Variants in SCN10A observed in about 807,000 individuals in gnomAD.
SCN10A encodes the protein sodium voltage-gated channel alpha subunit 10.
Under a neutral mutation model 170.7 loss-of-function variants are expected in SCN10A, and 162 were observed. The ratio of observed to expected loss-of-function variants is 0.95; its 90% CI spans 0.84 to 1.08. The LOEUF (loss-of-function observed/expected upper bound fraction) is 1.08, where lower values mean the gene tolerates loss of function less well. SCN10A is among the 50% of genes least tolerant of loss of function. The pLI, the probability that SCN10A is intolerant of heterozygous loss-of-function variation, is 0.00. For missense variants in SCN10A, 2,527 were observed against 2,436.9 expected (o/e 1.04, Z -0.78); for synonymous variants, 985 against 904.6 (o/e 1.09, Z -1.59).
chr3:38,793,801 G>A lies in SCN10A; in HGVS notation c.210C>T (p.Leu70=). Residue 70 remains leucine, a synonymous_variant, in exon 2 of 28, where the codon CTC becomes CTT. Coordinates refer to ENST00000449082, the MANE Select transcript of SCN10A (RefSeq NM_006514.4). The part of the protein sequence containing the change: ...CNQLPKFYGE[L]PAELIGEPLE... Reference sequence around the variant, plus strand: ...GGGGCTCCCCGATCAGTTCTGCTGGGAGCTCACCATAGAACTTGGGCAGCT... The same window carrying A: ...GGGGCTCCCCGATCAGTTCTGCTGGAAGCTCACCATAGAACTTGGGCAGCT... 6.2e-6 allele frequency: 10 copies of A among 1,613,918 alleles called. No homozygotes were observed. The highest frequency in any genetic ancestry group is 8.5e-6 in the Non-Finnish European group (10 of 1,179,930).
intron 25 of SCN10A, among the ~76,000 whole-genome samples, chr3:38,708,443 C>G (rs139868704): frequency 5.3e-4 from 80 of 152,318 alleles, no homozygotes; most frequent in African/African-American, 1.8e-3. Flanking sequence ...CCCCAGGGTA[C>G]TAAATAGCAC....
chr3:38,737,458 A>G (rs559908081), intron 15 of SCN10A, among the ~76,000 whole-genome samples: 40 of 152,264 alleles, frequency 2.6e-4, no homozygotes, highest in African/African-American at 9.4e-4. Context: ...CTGACCTTGT[A>G]AGATTTTCAA....
intron 25 of SCN10A, among the ~76,000 whole-genome samples, chr3:38,708,605 C>T (rs1163941336): frequency 1.3e-5 from 2 of 152,012 alleles, no homozygotes; most frequent in African/African-American, 4.8e-5. Context: ...CAGTCACACT[C>T]CCCTCTGCTG....
chr3:38,759,426 G>T (rs1016369290), intron 8 of SCN10A, among the ~76,000 whole-genome samples: 1 of 151,988 alleles, frequency 6.6e-6, no homozygotes, highest in Admixed American at 6.6e-5. Context: ...CATCCTACCT[G>T]CCCTTGAAAG....
intron 8 of SCN10A, 36 bp from the exon 9 acceptor site, chr3:38,757,195 T>C (rs557314075): frequency 1.8e-5 from 28 of 1,557,304 alleles, no homozygotes; most frequent in South Asian, 1.4e-4. Context: ...CCCCTGCTTA[T>C]TGCAGACAAG....
intron 1 of SCN10A, among the ~76,000 whole-genome samples, chr3:38,813,378 A>G (rs145452812): frequency 6.6e-6 from 1 of 152,336 alleles, no homozygotes; most frequent in East Asian, 1.9e-4. Context: ...GCCTTGAATA[A>G]ATCACTAAAA....
chr3:38,710,582 A>G (rs2063262587), intron 24 of SCN10A, among the ~76,000 whole-genome samples: 1 of 152,012 alleles, frequency 6.6e-6, no homozygotes, highest in Non-Finnish European at 1.5e-5. Context: ...TGTCTCTTAG[A>G]GGTTATCTGA....
At chr3:38,700,806 C>G (rs1308972449) in intron 27 of SCN10A, among the ~76,000 whole-genome samples, 1 of 152,114 alleles carries the variant, frequency 6.6e-6, no homozygotes, top group South Asian at 2.1e-4. Context: ...ACAGCTACAC[C>G]CCGACATGAA....
intron 3 of SCN10A, among the ~76,000 whole-genome samples, chr3:38,791,059 C>T (rs2064274698): frequency 6.6e-6 from 1 of 152,156 alleles, no homozygotes; most frequent in Admixed American, 6.5e-5. Context: ...GACAACTGTC[C>T]AGAAATCCAA....
At chr3:38,758,618 T>C (rs1404031072) in intron 8 of SCN10A, among the ~76,000 whole-genome samples, 2 of 152,220 alleles carry the variant, frequency 1.3e-5, no homozygotes, top group Non-Finnish European at 2.9e-5. Flanking sequence ...CACAGTGCCA[T>C]TGGCCAATGT....
intron 8 of SCN10A, among the ~76,000 whole-genome samples, chr3:38,760,191 A>G (rs905001201): frequency 1.3e-5 from 2 of 152,186 alleles, no homozygotes; most frequent in African/African-American, 2.4e-5. Context: ...ATCAGAATGT[A>G]CAAAAGGTAC....
chr3:38,755,511 C>T (rs572669937), intron 11 of SCN10A, among the ~76,000 whole-genome samples: 2 of 152,264 alleles, frequency 1.3e-5, no homozygotes, highest in East Asian at 1.9e-4. Flanking sequence ...AATCCTGAAA[C>T]CTGGGAGTCA....
At chr3:38,798,045 T>C (rs147835419) in intron 1 of SCN10A, among the ~76,000 whole-genome samples, 1 of 152,344 alleles carries the variant, frequency 6.6e-6, no homozygotes, top group African/African-American at 2.4e-5. Context: ...AGTGGTTCTC[T>C]ATATTCCCAT....
At chr3:38,810,691 G>A (rs923712995) in intron 1 of SCN10A, among the ~76,000 whole-genome samples, 4 of 152,156 alleles carry the variant, frequency 2.6e-5, no homozygotes, top group Non-Finnish European at 5.9e-5. Context: ...AGTTCTATGA[G>A]GGCAGACATG....
At chr3:38,786,600 A>T (rs969128263) in intron 4 of SCN10A, among the ~76,000 whole-genome samples, 3 of 152,192 alleles carry the variant, frequency 2.0e-5, no homozygotes, top group African/African-American at 7.2e-5. Context: ...CACTTTCTGC[A>T]CATGTACCCC....
At position 38,726,996 on chromosome 3, in the gene SCN10A, T is replaced by C. The variant is rs2063464355; in HGVS notation, c.2697A>G (p.Thr899=). Reference sequence around the variant, plus strand: ...TCACCTCCCCATCGTCCTCCGGGGCTGTGAGGTTGTCAGCACTGAAAGAGT... The same window carrying C: ...TCACCTCCCCATCGTCCTCCGGGGCCGTGAGGTTGTCAGCACTGAAAGAGT... ...LLNSFSADNL[T]APEDDGEVNN... Residue 899 remains threonine, a synonymous_variant, in exon 17 of 28, where the codon ACA becomes ACG. Transcript: ENST00000449082. 6.2e-7 allele frequency: 1 copy of C among 1,614,052 alleles called. No individual in the cohort carries two copies.
rs749707385 is a variant in SCN10A, at chr3:38,726,667, A to G, written c.3026T>C (p.Leu1009Ser). The G allele has an allele frequency of 6.2e-7, 1 of 1,609,124 alleles. No homozygotes were observed. The highest frequency in any genetic ancestry group is 8.5e-7 in the Non-Finnish European group (1 of 1,176,058). Residue 1009 changes from leucine (L) to serine (S), a missense_variant, in exon 17 of 28, where the codon TTG becomes TCG. Physicochemically the swap from Leu to Ser is moderately radical, Grantham distance 145. Coordinates refer to ENST00000449082, the MANE Select transcript of SCN10A (RefSeq NM_006514.4). Reference protein sequence around the residue: ...IAEGESDLDDLEDDGGEDAQS... With the variant: ...IAEGESDLDDSEDDGGEDAQS... Reference sequence around the variant, plus strand: ...AGCATCTTCCCCACCATCATCCTCCAAGTCATCAAGATCAGATTCACCCTC... The same window carrying G: ...AGCATCTTCCCCACCATCATCCTCCGAGTCATCAAGATCAGATTCACCCTC...
intron 9 of SCN10A, 57 bp downstream of exon 9, chr3:38,756,961 A>T: frequency 6.2e-7 from 1 of 1,605,564 alleles, no homozygotes; most frequent in Non-Finnish European, 8.5e-7. Context: ...AAGCACAGCC[A>T]TGCAGCTGAC....
intron 8 of SCN10A, 39 bp from the exon 9 acceptor site, chr3:38,757,198 C>A: frequency 6.4e-7 from 1 of 1,552,560 alleles, no homozygotes. Flanking sequence ...CTGCTTATTG[C>A]AGACAAGGTA....
Sources: allele counts gnomAD v4.1 joint callset (sites outside exome capture counted in the v4.1 genomes callset), GRCh38; gene constraint gnomAD v4.1.1; transcripts MANE v1.5; gene names NCBI Gene and HGNC (gene_info 2026-07-23, HGNC 2026-07-21).